Variants in CDH4 observed in about 807,000 individuals in gnomAD.
CDH4 encodes cadherin 4.
CDH4 carries 33 observed loss-of-function variants against 86.0 expected under a neutral mutation model. The observed-to-expected ratio is 0.38, with a 90% CI of 0.29 to 0.51. The LOEUF is 0.51. Among genes scored for constraint, CDH4 ranks in the 20% least tolerant of loss-of-function variants. The pLI is 0.86. For synonymous variants in CDH4, 555 were observed against 549.4 expected (o/e 1.01, Z -0.14); for missense variants, 1,114 against 1,307.4 (o/e 0.85, Z 2.28).
At chr20:61,921,171 CACA>C (rs1416738502) in intron 9 of CDH4, among the ~76,000 whole-genome samples, 4 of 142,784 alleles carry the variant, frequency 2.8e-5, no homozygotes, top group African/African-American at 8.3e-5. Flanking sequence ...AGCGTGGTGT[CACA>C]GTGATTGCAT....
At chr20:61,553,804 G>A (rs1384131695) in intron 2 of CDH4, among the ~76,000 whole-genome samples, 1 of 152,232 alleles carries the variant, frequency 6.6e-6, no homozygotes, top group Non-Finnish European at 1.5e-5. Context: ...TCCCAAAGCT[G>A]TGTTGCTGCT....
intron 4 of CDH4, among the ~76,000 whole-genome samples, chr20:61,822,174 T>C (rs974003949): frequency 2.0e-5 from 3 of 152,282 alleles, no homozygotes; most frequent in Admixed American, 6.5e-5. Flanking sequence ...TCTAACGTAC[T>C]GATGAATTAT....
chr20:61,495,316 G>A (rs899706333), intron 2 of CDH4, among the ~76,000 whole-genome samples: 2 of 152,194 alleles, frequency 1.3e-5, no homozygotes, highest in East Asian at 1.9e-4. Context: ...CGTTCCCCTC[G>A]TTAACTACAG....
At position 61,269,897 on chromosome 20, in the gene CDH4, A is replaced by T. The variant is rs2084175092; in HGVS notation, c.169+14960A>T. On this transcript the variant is annotated intron_variant, in intron 2 of 15. Transcript: ENST00000614565. This position sits in a 1 kb window ranked among gnomAD's most constrained non-coding sequence, Gnocchi z 5.3. ...CATTTCCACATGGCCCCGGCTGTTG[A>T]CGATGACCTTAAGCTCCCCTGACCA... is the stretch of plus-strand genomic sequence containing the variant. Among the ~76,000 whole-genome samples, 1 of 152,194 alleles carries T rather than the reference A, an allele frequency of 6.6e-6. No homozygotes were observed. Among genetic ancestry groups the T allele is most frequent in the Admixed American group, 6.5e-5 (1 of 15,288 alleles).
At chr20:61,641,753 C>T (rs2087012730) in intron 2 of CDH4, among the ~76,000 whole-genome samples, 1 of 2,642 alleles carries the variant, frequency 3.8e-4, no homozygotes, top group Non-Finnish European at 1.1e-3. Context: ...GCCTGACCCA[C>T]CAGGCTCCAC....
intron 13 of CDH4, among the ~76,000 whole-genome samples, chr20:61,932,413 G>A (rs1418353716): frequency 6.6e-6 from 1 of 152,194 alleles, no homozygotes; most frequent in African/African-American, 2.4e-5. Context: ...CACGCACACA[G>A]GCATGCATGC....
chr20:61,842,531 C>A (rs1274127058), intron 4 of CDH4, among the ~76,000 whole-genome samples: 3 of 152,192 alleles, frequency 2.0e-5, no homozygotes, highest in Non-Finnish European at 4.4e-5. Context: ...CTCTGCTAGT[C>A]AAGTTTTAAA....
chr20:61,297,421 C>T (rs908286123), intron 2 of CDH4, among the ~76,000 whole-genome samples: 4 of 152,214 alleles, frequency 2.6e-5, no homozygotes, highest in African/African-American at 7.2e-5. Context: ...TGGAAAAGTC[C>T]TGGCCTTAGG....
intron 8 of CDH4, among the ~76,000 whole-genome samples, chr20:61,907,355 G>A (rs753722972): frequency 1.5e-4 from 23 of 152,196 alleles, no homozygotes; most frequent in Middle Eastern, 3.4e-3. Context: ...GGGCCTGGCC[G>A]CCCAGGATCC....
At chr20:61,529,262 A>C (rs930863309) in intron 2 of CDH4, among the ~76,000 whole-genome samples, 3 of 152,220 alleles carry the variant, frequency 2.0e-5, no homozygotes, top group African/African-American at 7.2e-5. Context: ...CATATATTTT[A>C]TATTGCATCA....
chr20:61,839,652 CAT>C (rs1189425025), intron 4 of CDH4, among the ~76,000 whole-genome samples: 1 of 150,142 alleles, frequency 6.7e-6, no homozygotes, highest in Non-Finnish European at 1.5e-5. Context: ...GTGTCGTGTA[CAT>C]GTTTGTGTAT....
At chr20:61,714,774 C>T (rs1476527972) in intron 2 of CDH4, among the ~76,000 whole-genome samples, 1 of 152,148 alleles carries the variant, frequency 6.6e-6, no homozygotes, top group Non-Finnish European at 1.5e-5. Context: ...TTTCATGACA[C>T]ATATATATGC....
rs560772600 is a variant in CDH4 at position 61,754,426 on chromosome 20, C to T, written c.396+10637C>T. ...GCTGTTGAGGACAAGTCCCCGCCCA[C>T]GGCAGCCCCCAGGTCCCTCTGCTGC... On this transcript the variant is annotated intron_variant, in intron 3 of 15. Coordinates refer to ENST00000614565, the MANE Select transcript of CDH4 (RefSeq NM_001794.5). The surrounding 1 kb of genome is among the most constrained non-coding windows in gnomAD (Gnocchi z 4.7). Among the ~76,000 whole-genome samples, 12 of 152,216 alleles carry T rather than the reference C, an allele frequency of 7.9e-5. No individual in the cohort carries two copies. Among genetic ancestry groups the T allele is most frequent in the East Asian group, 3.9e-4 (2 of 5,170 alleles).
Position 61,681,005 on chromosome 20 carries a change from C to T in CDH4, c.170-62558C>T, listed in dbSNP as rs972796039. 1.3e-5 allele frequency among the ~76,000 whole-genome samples: 2 copies of T among 152,206 alleles called. No homozygotes were observed. Among genetic ancestry groups the T allele is most frequent in the African/African-American group, 2.4e-5 (1 of 41,446 alleles). ...CCTATTTGTTCCCTCCCTTTCCACC[C>T]ATTTCTTTGGGAAGACAAATAGGTG... On this transcript the variant is annotated intron_variant, in intron 2 of 15. Transcript: ENST00000614565. The surrounding 1 kb of genome is among the most constrained non-coding windows in gnomAD (Gnocchi z 4.5).
intron 2 of CDH4, chr20:61,570,044 A>G (rs373079868): frequency 5.9e-5 from 9 of 152,576 alleles, no homozygotes; most frequent in African/African-American, 1.9e-4. Flanking sequence ...CTGGAGTGAC[A>G]TGAATGGTTA....
chr20:61,526,427 C>A (rs1200588224), intron 2 of CDH4, among the ~76,000 whole-genome samples: 1 of 152,044 alleles, frequency 6.6e-6, no homozygotes, highest in African/African-American at 2.4e-5. Context: ...ATGTCTCCTC[C>A]GACGATGGAC....
intron 2 of CDH4, among the ~76,000 whole-genome samples, chr20:61,608,340 A>G (rs1600803363): frequency 6.6e-6 from 1 of 152,240 alleles, no homozygotes; most frequent in Non-Finnish European, 1.5e-5. Flanking sequence ...GTCAAAGAGA[A>G]GTTGCAGCTA....
intron 2 of CDH4, among the ~76,000 whole-genome samples, chr20:61,637,376 C>G (rs1175508301): frequency 6.6e-6 from 1 of 152,148 alleles, no homozygotes; most frequent in Non-Finnish European, 1.5e-5. Flanking sequence ...TGCTCAGTGC[C>G]CACCCTGGAT....
intron 2 of CDH4, among the ~76,000 whole-genome samples, chr20:61,602,789 G>C (rs1032973027): frequency 6.6e-6 from 1 of 151,376 alleles, no homozygotes; most frequent in African/African-American, 2.4e-5. Flanking sequence ...AATGATTTCG[G>C]AATTGTGCCT....
Sources: allele counts gnomAD v4.1 joint callset (sites outside exome capture counted in the v4.1 genomes callset), GRCh38; gene constraint gnomAD v4.1.1; non-coding constraint Gnocchi (gnomAD v3.1); transcripts MANE v1.5; gene names NCBI Gene and HGNC (gene_info 2026-07-23, HGNC 2026-07-21).